Variants in CAPZA2 observed in about 807,000 individuals in gnomAD.
CAPZA2 encodes F-actin-capping protein subunit alpha-2.
In CAPZA2, 13 loss-of-function variants were observed where a neutral mutation model predicts 44.0. The ratio of observed to expected loss-of-function variants is 0.30; its 90% CI spans 0.19 to 0.47. CAPZA2 has a LOEUF of 0.47. Ranked by LOEUF, CAPZA2 falls within the 20% of genes least tolerant of loss-of-function variation. The pLI is 1.00. For missense variants in CAPZA2, 244 were observed against 338.6 expected, an observed-to-expected ratio of 0.72 and a Z score of 2.19; for synonymous variants, 94 against 108.2, an observed-to-expected ratio of 0.87 and a Z score of 0.81.
In CAPZA2 at chr7:116,912,090, A is replaced by G; in HGVS notation, c.607A>G (p.Asn203Asp). The change falls in exon 8 of 10, where the codon AAT becomes GAT. Residue 203 changes from asparagine to aspartate, a missense_variant. By Grantham distance (23) the Asn-to-Asp change is conservative (BLOSUM62 1). Transcript: ENST00000361183. ...ATAGGTTCATTATTATGAAGATGGT[A>G]ATGTTCAGCTAGTGAGTCATAAAGA... is the stretch of plus-strand genomic sequence containing the variant. ...KIQVHYYEDG[N>D]VQLVSHKDIQ... 2 of 1,613,002 alleles carry G rather than the reference A, an allele frequency of 1.2e-6. No individual in the cohort carries two copies. The highest frequency in any genetic ancestry group is 1.7e-6 in the Non-Finnish European group (2 of 1,179,326).
chr7:116,882,697 G>A (rs142186100), intron 1 of CAPZA2, among the ~76,000 whole-genome samples: 65 of 152,182 alleles, frequency 4.3e-4, no homozygotes, highest in Non-Finnish European at 7.8e-4. Context: ...TACAAGAAGC[G>A]CAATAGAATG....
In CAPZA2 at chr7:116,893,032, G is replaced by A; in HGVS notation, c.142G>A (p.Glu48Lys). The change falls in exon 3 of 10, where the codon GAA (glutamate) becomes AAA (lysine). Residue 48 changes from glutamate (E) to lysine (K), a missense_variant. Glu to Lys is a moderately conservative substitution (Grantham distance 56). Coordinates refer to ENST00000361183, the MANE Select transcript of CAPZA2 (RefSeq NM_006136.3). ...GCTTAATAATGACAATCTTCTCAGG[G>A]AAGGAGCAGCCCAGTAAGTATTATT... The part of the protein sequence containing the change: ...LLLNNDNLLR[E>K]GAAHAFAQYN... The A allele has an allele frequency of 6.3e-7, 1 of 1,597,546 alleles. No individual in the cohort carries two copies. Among genetic ancestry groups the A allele is most frequent in the Non-Finnish European group, 8.6e-7 (1 of 1,168,810 alleles).
intron 8 of CAPZA2, 63 bp from the exon 9 acceptor site, chr7:116,915,997 A>G: frequency 9.1e-7 from 1 of 1,104,232 alleles, no homozygotes; most frequent in Non-Finnish European, 1.3e-6. Context: ...CCATACATAT[A>G]TTTTAAAATA....
chr7:116,916,225 G>A (rs1791677323), intron 9 of CAPZA2, 103 bp downstream of exon 9: 1 of 1,216,074 alleles, frequency 8.2e-7, no homozygotes, highest in African/African-American at 1.6e-5. Flanking sequence ...GCATCAGTTA[G>A]AGTCTTTTTG....
At chr7:116,881,084 T>G (rs1047767273) in intron 1 of CAPZA2, among the ~76,000 whole-genome samples, 7 of 152,126 alleles carry the variant, frequency 4.6e-5, no homozygotes, top group African/African-American at 1.7e-4. Flanking sequence ...ATGGATATTT[T>G]TGTAGTGTTA....
chr7:116,890,535 T>A (rs1562959916), intron 2 of CAPZA2, among the ~76,000 whole-genome samples: 297 of 9,958 alleles, frequency 0.03, 5 homozygotes, highest in Middle Eastern at 0.091. Flanking sequence ...AATATATATA[T>A]ATATATATAT....
chr7:116,890,526 ATATATATAT>A (rs1345299841), intron 2 of CAPZA2, among the ~76,000 whole-genome samples: 46 of 28,828 alleles, frequency 1.6e-3, no homozygotes, highest in East Asian at 2.3e-3. Context: ...AAAAAAAAAA[ATATATATAT>A]ATATATATAT....
At chr7:116,908,852 A>G (rs575836597) in intron 6 of CAPZA2, among the ~76,000 whole-genome samples, 4 of 152,272 alleles carry the variant, frequency 2.6e-5, no homozygotes, top group African/African-American at 9.6e-5. Flanking sequence ...AAATCAAGAC[A>G]TGTTATAAAA....
intron 1 of CAPZA2, chr7:116,880,033 T>G: frequency 2.2e-6 from 1 of 454,244 alleles, no homozygotes; most frequent in South Asian, 1.6e-5. Context: ...ATAGGCAGTT[T>G]CTCCCGCTCT....
intron 5 of CAPZA2, among the ~76,000 whole-genome samples, chr7:116,906,041 G>A (rs1013676313): frequency 1.3e-5 from 2 of 152,110 alleles, no homozygotes; most frequent in Admixed American, 6.6e-5. Context: ...TTAATGAATT[G>A]TATTTTATTT....
intron 4 of CAPZA2, among the ~76,000 whole-genome samples, chr7:116,901,477 A>G (rs1585011599): frequency 6.6e-6 from 1 of 152,110 alleles, no homozygotes; most frequent in South Asian, 2.1e-4. Context: ...CACATGACAC[A>G]TAGAGGGGAA....
intron 4 of CAPZA2, among the ~76,000 whole-genome samples, chr7:116,903,237 T>A (rs150710360): frequency 0.21 from 27,318 of 127,906 alleles, 2,538 homozygotes; most frequent in East Asian, 0.23. Flanking sequence ...GAGAAGAGTG[T>A]GTGTGTGTGT....
intron 8 of CAPZA2, among the ~76,000 whole-genome samples, chr7:116,913,357 A>C (rs1282433334): frequency 6.6e-6 from 1 of 152,112 alleles, no homozygotes; most frequent in Admixed American, 6.5e-5. Context: ...GATCTACTCC[A>C]GTGTTTTCTT....
At chr7:116,874,014 A>G (rs892659951) in intron 1 of CAPZA2, 3 of 152,786 alleles carry the variant, frequency 2.0e-5, no homozygotes, top group Non-Finnish European at 2.9e-5. Flanking sequence ...GTAAGATTGT[A>G]CATTTCCAAA....
Position 116,881,602 on chromosome 7 carries a change from GGT to G in CAPZA2, c.40-6523_40-6522del, listed in dbSNP as rs1423951913. 3.9e-5 allele frequency among the ~76,000 whole-genome samples: 6 copies of G among 151,954 alleles called. No individual in the cohort carries two copies. In the South Asian group the frequency reaches 1.0e-3, roughly 27 times the overall value. On this transcript the variant is annotated intron_variant, in intron 1 of 9. Coordinates refer to ENST00000361183, the MANE Select transcript of CAPZA2 (RefSeq NM_006136.3). The stretch of plus-strand genomic sequence containing the variant: ...AAAATACAAAAAATTAGCCGGGCGT[GGT>G]GGTGGGTGCCTGTAGTCCCAGCTAC...
intron 1 of CAPZA2, among the ~76,000 whole-genome samples, chr7:116,877,016 TAAG>T (rs1262490363): frequency 2.6e-4 from 39 of 152,142 alleles, no homozygotes; most frequent in Admixed American, 1.3e-4. Context: ...TACTCAGAGA[TAAG>T]AAGGAACTGT....
chr7:116,911,011 A>T (rs77210054), intron 7 of CAPZA2, among the ~76,000 whole-genome samples: 1 of 150,760 alleles, frequency 6.6e-6, no homozygotes, highest in Non-Finnish European at 1.5e-5. Context: ...AAAAAAAAAA[A>T]AGCATACGTG....
intron 1 of CAPZA2, among the ~76,000 whole-genome samples, chr7:116,870,928 G>A (rs1251468339): frequency 6.6e-6 from 1 of 152,212 alleles, no homozygotes; most frequent in East Asian, 1.9e-4. Context: ...ACACAGCTGG[G>A]AGGAATAATG....
chr7:116,915,775 G>A (rs1214515489), intron 8 of CAPZA2: 7 of 196,498 alleles, frequency 3.6e-5, no homozygotes, highest in Non-Finnish European at 5.1e-5. Context: ...CTATTGGAAT[G>A]CATGTCCAGT....
Sources: gnomAD v4.1 joint callset for allele counts (sites outside exome capture counted in the v4.1 genomes callset) on GRCh38, gnomAD v4.1.1 for gene constraint, MANE v1.5 for transcripts, NCBI Gene and HGNC (gene_info 2026-07-23, HGNC 2026-07-21) for gene names.